The following TENM3 variants were observed in gnomAD, a reference collection of about 807,000 sequenced individuals.
TENM3 encodes the protein teneurin-3.
TENM3 carries 63 observed loss-of-function variants against 255.1 expected under a neutral mutation model. That is an observed-to-expected ratio of 0.25 (90% CI 0.20 to 0.30). The LOEUF (loss-of-function observed/expected upper bound fraction) is 0.30, where lower values mean the gene tolerates loss of function less well. TENM3 is among the 10% of genes least tolerant of loss of function. TENM3 has a pLI of 1.00. For missense variants in TENM3, 2,929 were observed against 3,461.1 expected (o/e 0.85, Z 3.86); for synonymous variants, 1,306 against 1,322.3 (o/e 0.99, Z 0.27).
chr4:182,357,125 C>A (rs1339750382), intron 3 of TENM3, among the ~76,000 whole-genome samples: 1 of 152,056 alleles, frequency 6.6e-6, no homozygotes, highest in African/African-American at 2.4e-5. Context: ...CGTTGTTGGA[C>A]ATTTGGGTTG....
intron 3 of TENM3, among the ~76,000 whole-genome samples, chr4:182,474,415 T>C (rs1202573486): frequency 2.6e-5 from 4 of 152,174 alleles, no homozygotes; most frequent in Non-Finnish European, 4.4e-5. Flanking sequence ...TTTAGCATTG[T>C]GGATGGGATA....
At chr4:181,742,544 C>A in the TENM3 span, among the ~76,000 whole-genome samples, 5,543 of 151,976 alleles carry the variant, frequency 0.036, 154 homozygotes, top group Middle Eastern at 0.12. Context: ...TGGGAAAAAA[C>A]GGACTATGGA....
chr4:182,248,631 A>G (rs1431396503), intron 1 of TENM3, among the ~76,000 whole-genome samples: 3 of 152,224 alleles, frequency 2.0e-5, no homozygotes, highest in Non-Finnish European at 4.4e-5. Flanking sequence ...TTCAGTCAGT[A>G]ACAATGTAAT....
chr4:181,667,165 A>T, the TENM3 span, among the ~76,000 whole-genome samples: 10 of 152,236 alleles, frequency 6.6e-5, no homozygotes, highest in Non-Finnish European at 1.3e-4. Flanking sequence ...CCCACTACAC[A>T]AAATGCTCCT....
At chr4:182,024,753 G>A in the TENM3 span, among the ~76,000 whole-genome samples, 2 of 152,000 alleles carry the variant, frequency 1.3e-5, no homozygotes, top group East Asian at 3.9e-4. Context: ...TCACCCTGTT[G>A]TGCTATCATG....
At chr4:182,517,477 G>A (rs928284467) in intron 3 of TENM3, among the ~76,000 whole-genome samples, 19 of 130,876 alleles carry the variant, frequency 1.5e-4, no homozygotes, top group Non-Finnish European at 2.6e-4. Context: ...TCCGCCTCCC[G>A]GGTTCACGCC....
chr4:181,962,931 G>T, the TENM3 span, among the ~76,000 whole-genome samples: 1 of 152,210 alleles, frequency 6.6e-6, no homozygotes, highest in Admixed American at 6.5e-5. Flanking sequence ...TTAGTGAGTG[G>T]TTTTCTTTAA....
the TENM3 span, among the ~76,000 whole-genome samples, chr4:182,115,692 C>T: frequency 2.6e-5 from 4 of 152,270 alleles, no homozygotes; most frequent in African/African-American, 9.6e-5. Context: ...TTCACCCTTT[C>T]CCCCAGCCAC....
chr4:182,131,798 C>A, the TENM3 span, among the ~76,000 whole-genome samples: 3 of 152,232 alleles, frequency 2.0e-5, no homozygotes, highest in East Asian at 5.8e-4. Flanking sequence ...ACACATAAAC[C>A]ATTATTATCT....
the TENM3 span, among the ~76,000 whole-genome samples, chr4:181,621,976 C>CTAT: frequency 6.6e-6 from 1 of 152,172 alleles, no homozygotes; most frequent in East Asian, 1.9e-4. Flanking sequence ...ACCTGACATA[C>CTAT]GCACACAATA....
At chr4:182,750,918 A>G (rs1458640572) in intron 19 of TENM3, among the ~76,000 whole-genome samples, 3 of 152,208 alleles carry the variant, frequency 2.0e-5, no homozygotes, top group Admixed American at 6.5e-5. Context: ...AATTTTAAGA[A>G]TGTGGCATTG....
chr4:181,490,552 C>T, the TENM3 span, among the ~76,000 whole-genome samples: 9 of 152,234 alleles, frequency 5.9e-5, no homozygotes, highest in East Asian at 9.7e-4. Flanking sequence ...ACTAATTGCC[C>T]TAATCCCGAG....
rs1766250283 is a variant in TENM3 at position 182,793,336 on chromosome 4, G to A, written c.6664G>A (p.Gly2222Ser). ...AACTCGAGTTTACAGTAAAGGCAGT[G>A]GCTGGACAGTGATCTACCGTTATGA... ...LLTRVYSKGS[G>S]WTVIYRYDGL... Residue 2222 changes from glycine (G) to serine (S), a missense_variant, in exon 26 of 28, where the codon GGC becomes AGC. Physicochemically the swap from Gly to Ser is moderately conservative, Grantham distance 56 (BLOSUM62 0). Around this residue, in one of 6 missense-constraint regions of TENM3, gnomAD observed 256 missense variants for 389.3 expected, o/e 0.66. Transcript: ENST00000511685. This position sits in a 1 kb window ranked among gnomAD's most constrained non-coding sequence, Gnocchi z 5.7. 6.2e-7 allele frequency: 1 copy of A among 1,613,658 alleles called. No homozygotes were observed. The highest frequency in any genetic ancestry group is 1.7e-5 in the Admixed American group (1 of 59,976).
the TENM3 span, among the ~76,000 whole-genome samples, chr4:181,746,467 T>C: frequency 1.3e-5 from 2 of 152,068 alleles, no homozygotes; most frequent in Non-Finnish European, 2.9e-5. Context: ...TTACAAAGAA[T>C]GGCTATAAAT....
At chr4:181,615,303 T>C in the TENM3 span, among the ~76,000 whole-genome samples, 3 of 152,082 alleles carry the variant, frequency 2.0e-5, no homozygotes, top group African/African-American at 7.2e-5. Context: ...GAAAGACGCA[T>C]TAACCCCAGA....
At chr4:182,748,314 C>T (rs963702678) in intron 19 of TENM3, among the ~76,000 whole-genome samples, 18 of 152,166 alleles carry the variant, frequency 1.2e-4, no homozygotes, top group Non-Finnish European at 1.9e-4. Flanking sequence ...GCTGTGCTTC[C>T]GCTCAGCAGA....
chr4:182,378,335 G>C (rs1554057527), intron 3 of TENM3, among the ~76,000 whole-genome samples: 2 of 152,206 alleles, frequency 1.3e-5, no homozygotes, highest in Admixed American at 1.3e-4. Flanking sequence ...AGTCTAGAGG[G>C]AAAGACAGAC....
At chr4:181,452,883 A>G in the TENM3 span, among the ~76,000 whole-genome samples, 1 of 152,186 alleles carries the variant, frequency 6.6e-6, no homozygotes, top group Admixed American at 6.5e-5. Flanking sequence ...GTATGAAGGA[A>G]GATAGTATTG....
At chr4:181,990,549 GTACCCAATTC>G in the TENM3 span, among the ~76,000 whole-genome samples, 1 of 152,024 alleles carries the variant, frequency 6.6e-6, no homozygotes, top group African/African-American at 2.4e-5. Flanking sequence ...TACTGTCCAG[GTACCCAATTC>G]TATGGGAGTG....
Sources: allele counts gnomAD v4.1 joint callset (sites outside exome capture counted in the v4.1 genomes callset), GRCh38; gene constraint gnomAD v4.1.1; regional missense constraint gnomAD v4.1.1; non-coding constraint Gnocchi (gnomAD v3.1); transcripts MANE v1.5; gene names NCBI Gene and HGNC (gene_info 2026-07-23, HGNC 2026-07-21).